The following FHIT variants were observed in gnomAD, a reference collection of about 807,000 sequenced individuals.
The protein encoded by FHIT is bis(5'-adenosyl)-triphosphatase.
A neutral mutation model predicts 17.9 loss-of-function variants in FHIT; 19 were observed. The observed-to-expected ratio is 1.06, with a 90% CI of 0.74 to 1.56. FHIT has a LOEUF of 1.56. Ranked by LOEUF, FHIT falls within the 40% of genes most tolerant of loss-of-function variation. The pLI, the probability that FHIT is intolerant of heterozygous loss-of-function variation, is 0.00. For missense variants in FHIT, 248 were observed against 189.2 expected, an observed-to-expected ratio of 1.31 and a Z score of -1.82; for synonymous variants, 81 against 69.7, an observed-to-expected ratio of 1.16 and a Z score of -0.81.
chr3:59,948,530 T>A (rs1457421268), intron 7 of FHIT, among the ~76,000 whole-genome samples: 3 of 149,860 alleles, frequency 2.0e-5, no homozygotes, highest in East Asian at 1.9e-4. Flanking sequence ...AAAATAAAAA[T>A]AAAAAAAAAT....
chr3:60,492,289 A>C (rs890949202), intron 5 of FHIT, among the ~76,000 whole-genome samples: 1 of 152,224 alleles, frequency 6.6e-6, no homozygotes, highest in Non-Finnish European at 1.5e-5. Context: ...TAAAATATTG[A>C]TGTCTTTCTG....
chr3:60,666,323 G>T (rs924687698), intron 4 of FHIT, among the ~76,000 whole-genome samples: 10 of 152,064 alleles, frequency 6.6e-5, no homozygotes, highest in African/African-American at 2.4e-4. Context: ...ATCTGAGAAT[G>T]TTTTTATTTC....
chr3:60,712,616 G>A lies in FHIT; in HGVS notation c.-18+109303C>T, dbSNP rs191273449. 8.5e-4 allele frequency among the ~76,000 whole-genome samples: 130 copies of A among 152,130 alleles called. 3 individuals carry two copies. The South Asian group carries it at 0.026, about 30-fold the overall frequency. ...GCAAATGGAAAACAAAAAAAGGCAA[G>A]GGTTGCAATCCTACTCTCTGATAAA... On this transcript the variant is annotated intron_variant, in intron 4 of 9. Transcript: ENST00000492590.
At chr3:59,990,482 T>C (rs1214355046) in intron 7 of FHIT, among the ~76,000 whole-genome samples, 5 of 152,076 alleles carry the variant, frequency 3.3e-5, no homozygotes, top group African/African-American at 1.2e-4. Context: ...TTTCAAATCA[T>C]ATGGAAGCAG....
intron 8 of FHIT, among the ~76,000 whole-genome samples, chr3:59,862,039 C>G (rs968824408): frequency 2.6e-5 from 4 of 151,854 alleles, no homozygotes; most frequent in Non-Finnish European, 5.9e-5. Flanking sequence ...GTAACTGATG[C>G]TACAGTGTAC....
At chr3:60,465,075 A>G (rs569093786) in intron 5 of FHIT, among the ~76,000 whole-genome samples, 2 of 152,002 alleles carry the variant, frequency 1.3e-5, no homozygotes, top group Non-Finnish European at 1.5e-5. Flanking sequence ...TCAATAAGCC[A>G]TTTTAACTGG....
At chr3:60,022,342 A>G (rs559677483) in intron 5 of FHIT, among the ~76,000 whole-genome samples, 14 of 152,368 alleles carry the variant, frequency 9.2e-5, no homozygotes, top group Non-Finnish European at 1.5e-4. Context: ...AGTTCAGGTT[A>G]CTGCCATGTC....
At chr3:60,756,570 T>A (rs901525083) in intron 4 of FHIT, among the ~76,000 whole-genome samples, 5 of 151,940 alleles carry the variant, frequency 3.3e-5, no homozygotes, top group Admixed American at 3.3e-4. Flanking sequence ...ACTAATAAAA[T>A]GGGTTGGGGA....
intron 4 of FHIT, among the ~76,000 whole-genome samples, chr3:60,578,113 G>A (rs558305676): frequency 6.6e-6 from 1 of 152,194 alleles, no homozygotes; most frequent in African/African-American, 2.4e-5. Context: ...TTTAAATACA[G>A]AAAGGGATGG....
At chr3:60,517,904 G>A (rs1393535796) in intron 5 of FHIT, among the ~76,000 whole-genome samples, 1 of 152,042 alleles carries the variant, frequency 6.6e-6, no homozygotes, top group Admixed American at 6.6e-5. Context: ...TGACACTCCT[G>A]GTCTCTCCAT....
intron 4 of FHIT, among the ~76,000 whole-genome samples, chr3:60,554,021 A>T (rs985094785): frequency 6.6e-6 from 1 of 152,152 alleles, no homozygotes; most frequent in Non-Finnish European, 1.5e-5. Context: ...CAGTGGGCAG[A>T]GGTTGCAGTG....
intron 4 of FHIT, among the ~76,000 whole-genome samples, chr3:60,684,625 G>A (rs368131226): frequency 2.1e-4 from 32 of 152,138 alleles, no homozygotes; most frequent in African/African-American, 6.7e-4. Flanking sequence ...TCTCTTCCAA[G>A]GAGAGTATTC....
chr3:60,628,453 T>C (rs945427718), intron 4 of FHIT, among the ~76,000 whole-genome samples: 1 of 152,236 alleles, frequency 6.6e-6, no homozygotes, highest in Non-Finnish European at 1.5e-5. Flanking sequence ...TCTGCCTCAA[T>C]TGGCCTCACA....
intron 5 of FHIT, among the ~76,000 whole-genome samples, chr3:60,038,648 G>C (rs1214444786): frequency 6.6e-6 from 1 of 152,062 alleles, no homozygotes; most frequent in Non-Finnish European, 1.5e-5. Context: ...AGAAATTTTG[G>C]TGACAAATGA....
At chr3:59,750,315 C>G (rs1700823977) in intron 9 of FHIT, 1 of 225,314 alleles carries the variant, frequency 4.4e-6, no homozygotes, top group Non-Finnish European at 8.8e-6. Context: ...CCTGAAAATA[C>G]CCACTGCATA....
At chr3:60,931,942 A>G (rs1255298828) in intron 3 of FHIT, among the ~76,000 whole-genome samples, 1 of 152,210 alleles carries the variant, frequency 6.6e-6, no homozygotes, top group Non-Finnish European at 1.5e-5. Context: ...TTACCAGAGC[A>G]CAAGGGTGTG....
At chr3:60,553,488 T>C (rs2036628854) in intron 4 of FHIT, 1 of 222,888 alleles carries the variant, frequency 4.5e-6, no homozygotes, top group African/African-American at 3.0e-5. Context: ...ATAAAAATTA[T>C]ATATATTTAA....
At chr3:60,278,798 GA>G (rs1317007479) in intron 5 of FHIT, among the ~76,000 whole-genome samples, 11 of 151,850 alleles carry the variant, frequency 7.2e-5, no homozygotes, top group African/African-American at 1.7e-4. Context: ...CATGCAAAAA[GA>G]AATTTCTTAA....
At chr3:60,674,362 T>C (rs1382363856) in intron 4 of FHIT, among the ~76,000 whole-genome samples, 3 of 152,206 alleles carry the variant, frequency 2.0e-5, no homozygotes, top group East Asian at 1.9e-4. Context: ...AAATTCCTCA[T>C]TTTCTAATTC....
Sources: allele counts gnomAD v4.1 joint callset (sites outside exome capture counted in the v4.1 genomes callset), GRCh38; gene constraint gnomAD v4.1.1; transcripts MANE v1.5; gene names NCBI Gene and HGNC (gene_info 2026-07-23, HGNC 2026-07-21).